UBE2N: variants seen among roughly 807,000 people sequenced by gnomAD.
UBE2N encodes the protein ubiquitin conjugating enzyme E2 N, also known as ubiquitin-conjugating enzyme E2 N.
For synonymous variants in UBE2N, 70 were observed against 69.2 expected (o/e 1.01, Z -0.06); for missense variants, 60 against 192.1 (o/e 0.31, Z 4.07).
At position 93,427,467 on chromosome 12, in the gene UBE2N, T is replaced by C. The variant is rs529917047; in HGVS notation, c.30+14388A>G. Among the ~76,000 whole-genome samples the C allele has an allele frequency of 9.8e-5, 15 of 152,320 alleles. No homozygotes were observed. In the South Asian group the frequency reaches 2.9e-3, roughly 29 times the overall value. On this transcript the variant is annotated intron_variant, in intron 1 of 3. Coordinates refer to ENST00000318066, the MANE Select transcript of UBE2N (RefSeq NM_003348.4). ...ATACATGCTACAATATACATGAACCTTGAAAACATGCTAAATGAAAGAAGC... is the reference window on the plus strand; with the variant it reads ...ATACATGCTACAATATACATGAACCCTGAAAACATGCTAAATGAAAGAAGC...
At chr12:93,435,402 G>A (rs899999676) in intron 1 of UBE2N, among the ~76,000 whole-genome samples, 1 of 152,090 alleles carries the variant, frequency 6.6e-6, no homozygotes, top group South Asian at 2.1e-4. Flanking sequence ...GAACCCAGGG[G>A]GCAGAGGTTG....
intron 1 of UBE2N, among the ~76,000 whole-genome samples, chr12:93,432,933 G>GTCTT (rs1555197970): frequency 7.5e-6 from 1 of 132,658 alleles, no homozygotes; most frequent in African/African-American, 2.8e-5. Context: ...CTTCATTCAG[G>GTCTT]TTTTTTTTTT....
At chr12:93,431,000 G>A (rs1398500583) in intron 1 of UBE2N, among the ~76,000 whole-genome samples, 7 of 150,350 alleles carry the variant, frequency 4.7e-5, no homozygotes, top group Non-Finnish European at 7.4e-5. Context: ...AGGCCAAGGC[G>A]GGCGAATCAC....
chr12:93,411,952 A>T (rs1458975128), intron 1 of UBE2N, among the ~76,000 whole-genome samples: 1 of 152,152 alleles, frequency 6.6e-6, no homozygotes, highest in Non-Finnish European at 1.5e-5. Context: ...TTGGCTTCCC[A>T]AAGTGCTGAG....
chr12:93,432,747 A>G (rs1021193178), intron 1 of UBE2N, among the ~76,000 whole-genome samples: 3 of 152,182 alleles, frequency 2.0e-5, no homozygotes, highest in Non-Finnish European at 4.4e-5. Context: ...TTGAAAATCT[A>G]AAGACAACAT....
At chr12:93,410,105 T>C in intron 3 of UBE2N, 26 bp from the exon 4 acceptor site, 2 of 1,608,214 alleles carry the variant, frequency 1.2e-6, no homozygotes, top group Non-Finnish European at 1.7e-6. Context: ...AACATACGAT[T>C]ATTATTTTAC....
chr12:93,438,453 C>A (rs1015859971), intron 1 of UBE2N, among the ~76,000 whole-genome samples: 1 of 152,120 alleles, frequency 6.6e-6, no homozygotes, highest in African/African-American at 2.4e-5. Flanking sequence ...ATAAGCTCAA[C>A]CACTTATTGT....
chr12:93,431,665 G>A (rs1878776727), intron 1 of UBE2N, among the ~76,000 whole-genome samples: 1 of 152,200 alleles, frequency 6.6e-6, no homozygotes, highest in Non-Finnish European at 1.5e-5. Context: ...CTGCATGCTA[G>A]TGAATAGTTC....
chr12:93,406,275 C>CAAAAAAAAAAAAAAAAAAAA lies in UBE2N; in HGVS notation c.*3744_*3763dup, dbSNP rs58309798. ...AGAGCTAGAAAGTGGCTAGAGCAGC[C>CAAAAAAAAAAAAAAAAAAAA]AAAAAAAAAAAAAAAAAAAAAAAAA... is the stretch of plus-strand genomic sequence containing the variant. On this transcript the variant is annotated 3_prime_UTR_variant, in exon 4 of 4. Transcript: ENST00000318066. 5.3e-4 allele frequency: 20 copies of CAAAAAAAAAAAAAAAAAAAA among 38,000 alleles called. No individual in the cohort carries two copies. The highest frequency in any genetic ancestry group is 6.4e-4 in the Non-Finnish European group (13 of 20,268). The allele number at this position is 38,000 out of a possible 1,614,324, so 2.4% of individuals were successfully genotyped here.
intron 1 of UBE2N, 138 bp downstream of exon 1, chr12:93,441,717 C>A: frequency 8.3e-7 from 1 of 1,205,844 alleles, no homozygotes; most frequent in Non-Finnish European, 1.1e-6. Context: ...TCCCTCGCCG[C>A]CGCGGCCAAC....
intron 1 of UBE2N, among the ~76,000 whole-genome samples, chr12:93,423,163 C>A (rs182391381): frequency 9.8e-5 from 15 of 152,364 alleles, no homozygotes; most frequent in Admixed American, 6.5e-4. Flanking sequence ...GTGTTGCACA[C>A]AGTGTGAGCA....
chr12:93,438,315 G>A (rs757084638), intron 1 of UBE2N, among the ~76,000 whole-genome samples: 3 of 149,468 alleles, frequency 2.0e-5, no homozygotes, highest in Non-Finnish European at 4.5e-5. Flanking sequence ...ATAAAATTGT[G>A]GGGGAGGAAA....
intron 1 of UBE2N, among the ~76,000 whole-genome samples, chr12:93,434,643 AACATGGAGC>A (rs1878875531): frequency 1.3e-5 from 2 of 152,220 alleles, no homozygotes; most frequent in African/African-American, 4.8e-5. Flanking sequence ...AAGGATTCTT[AACATGGAGC>A]ACATGGAGAC....
chr12:93,410,610 G>T, intron 3 of UBE2N, 124 bp downstream of exon 3: 1 of 1,407,206 alleles, frequency 7.1e-7, no homozygotes, highest in Non-Finnish European at 9.7e-7. Context: ...CATACTATAA[G>T]CAGGATCTCA....
At chr12:93,410,966 T>C (rs1488919626) in intron 2 of UBE2N, 87 bp downstream of exon 2, 2 of 1,613,744 alleles carry the variant, frequency 1.2e-6, no homozygotes, top group African/African-American at 1.3e-5. Flanking sequence ...CTGATCTTTG[T>C]ATAATGTTTA....
chr12:93,407,014 G>T lies in UBE2N; in HGVS notation c.*3025C>A, dbSNP rs1455956584. The T allele has an allele frequency of 6.6e-6, 1 of 152,166 alleles. No individual in the cohort carries two copies. The highest frequency in any genetic ancestry group is 1.9e-4 in the East Asian group (1 of 5,208). The allele number at this position is 152,166 out of a possible 1,614,324, so 9.4% of individuals were successfully genotyped here. ...AGATTTTAGAAAAGCCTCTTAACGG[G>T]CAATTTTCTTTTAAATAAAGACTGG... On this transcript the variant is annotated 3_prime_UTR_variant, in exon 4 of 4. Coordinates refer to ENST00000318066, the MANE Select transcript of UBE2N (RefSeq NM_003348.4).
intron 1 of UBE2N, among the ~76,000 whole-genome samples, chr12:93,412,780 A>G (rs1484976601): frequency 5.9e-5 from 9 of 152,234 alleles, no homozygotes; most frequent in Non-Finnish European, 1.2e-4. Flanking sequence ...TGAGAAAGGT[A>G]AAAACACTTT....
Position 93,432,933 on chromosome 12 carries a change from G to GTTTTTT in UBE2N, c.30+8916_30+8921dup, listed in dbSNP as rs71071735. Among the ~76,000 whole-genome samples the GTTTTTT allele has an allele frequency of 1.5e-3, 197 of 132,632 alleles. 12 individuals are homozygous for GTTTTTT. Among genetic ancestry groups the GTTTTTT allele is most frequent in the Non-Finnish European group, 2.0e-3 (126 of 64,218 alleles). The allele number at this position is 132,632 out of a possible 152,430, so 87.0% of individuals were successfully genotyped here. ...GAAATTTTAGAATAGCTTCATTCAG[G>GTTTTTT]TTTTTTTTTTTTTTTGAGACGGAGT... is the stretch of plus-strand genomic sequence containing the variant. On this transcript the variant is annotated intron_variant, in intron 1 of 3. Transcript: ENST00000318066.
At chr12:93,412,591 C>G (rs192999603) in intron 1 of UBE2N, among the ~76,000 whole-genome samples, 7 of 152,298 alleles carry the variant, frequency 4.6e-5, no homozygotes, top group African/African-American at 1.7e-4. Context: ...GTATACTGAA[C>G]AAAGGAGACA....
Sources: allele counts gnomAD v4.1 joint callset (sites outside exome capture counted in the v4.1 genomes callset), GRCh38; gene constraint gnomAD v4.1.1; transcripts MANE v1.5; gene names NCBI Gene and HGNC (gene_info 2026-07-23, HGNC 2026-07-21).